Variants in ATP8A1 observed in about 807,000 individuals in gnomAD.
ATP8A1 encodes the protein ATPase phospholipid transporting 8A1, also known as phospholipid-transporting ATPase IA.
Under a neutral mutation model 177.7 loss-of-function variants are expected in ATP8A1, and 90 were observed. The ratio of observed to expected loss-of-function variants is 0.51; its 90% CI spans 0.43 to 0.60. The LOEUF (loss-of-function observed/expected upper bound fraction) is 0.60. Among genes scored for constraint, ATP8A1 ranks in the 20% least tolerant of loss-of-function variants. ATP8A1 has a pLI of 0.00. For synonymous variants in ATP8A1, 493 were observed against 485.9 expected, an observed-to-expected ratio of 1.01 and a Z score of -0.19; for missense variants, 1,072 against 1,392.8, an observed-to-expected ratio of 0.77 and a Z score of 3.67.
At chr4:42,496,805 C>G (rs1021476694) in intron 24 of ATP8A1, among the ~76,000 whole-genome samples, 11 of 147,772 alleles carry the variant, frequency 7.4e-5, no homozygotes, top group African/African-American at 2.9e-4. Context: ...CACATATACC[C>G]CCCCCCACAC....
rs1281325228 is a variant in ATP8A1, at chr4:42,411,945, A to T, written c.*971T>A. The stretch of plus-strand genomic sequence containing the variant: ...TGCATTTATCTGACATGTTATTCCA[A>T]ATATTGCAACAGAAGCTTTGGAAAT... On this transcript the variant is annotated 3_prime_UTR_variant, in exon 37 of 37. Transcript: ENST00000381668. 6.6e-6 allele frequency: 1 copy of T among 152,252 alleles called. No homozygotes were observed. The highest frequency in any genetic ancestry group is 2.4e-5 in the African/African-American group (1 of 41,472). The allele number at this position is 152,252 out of a possible 1,614,324, so 9.4% of individuals were successfully genotyped here.
chr4:42,428,820 G>A (rs1259685769), intron 33 of ATP8A1, among the ~76,000 whole-genome samples: 4 of 152,092 alleles, frequency 2.6e-5, no homozygotes, highest in African/African-American at 7.2e-5. Context: ...CCTGGAAAGC[G>A]CCCATGCTCA....
intron 1 of ATP8A1, among the ~76,000 whole-genome samples, chr4:42,634,103 CTG>C (rs1299461575): frequency 3.9e-5 from 6 of 152,114 alleles, no homozygotes; most frequent in Non-Finnish European, 7.4e-5. Flanking sequence ...TTCGAGGACA[CTG>C]TGATAATCCA....
At chr4:42,455,192 C>T in intron 29 of ATP8A1, 105 bp downstream of exon 29, 1 of 1,411,922 alleles carries the variant, frequency 7.1e-7, no homozygotes, top group Non-Finnish European at 9.6e-7. Context: ...CTGGAGTTGT[C>T]TCAGGCTAGT....
intron 31 of ATP8A1, among the ~76,000 whole-genome samples, chr4:42,446,080 C>CAAAA (rs11311245): frequency 0.014 from 903 of 63,750 alleles, 49 homozygotes; most frequent in East Asian, 0.023. Flanking sequence ...AACGCCCTCT[C>CAAAA]AAAAAAAAAA....
At chr4:42,636,587 G>A (rs1412252777) in intron 1 of ATP8A1, among the ~76,000 whole-genome samples, 1 of 152,180 alleles carries the variant, frequency 6.6e-6, no homozygotes, top group Non-Finnish European at 1.5e-5. Context: ...CAAATTTCTA[G>A]ATCATGACAA....
intron 7 of ATP8A1, chr4:42,588,632 T>C (rs1408554237): frequency 1.9e-5 from 4 of 213,534 alleles, no homozygotes; most frequent in Admixed American, 1.1e-4. Context: ...TTCATCCACA[T>C]AGACACAACA....
chr4:42,649,770 A>G (rs1041333898), intron 1 of ATP8A1, among the ~76,000 whole-genome samples: 3 of 152,208 alleles, frequency 2.0e-5, no homozygotes, highest in Admixed American at 1.3e-4. Context: ...TACTAGATTT[A>G]GTACATCTAG....
chr4:42,571,522 C>T (rs1289139921), intron 14 of ATP8A1, among the ~76,000 whole-genome samples: 1 of 148,558 alleles, frequency 6.7e-6, no homozygotes, highest in African/African-American at 2.5e-5. Flanking sequence ...AATCTTCACT[C>T]TATTGAGATT....
chr4:42,524,861 A>T lies in ATP8A1; in HGVS notation c.1723-14T>A. The T allele has an allele frequency of 6.4e-7, 1 of 1,569,404 alleles. No homozygotes were observed. Among genetic ancestry groups the T allele is most frequent in the Non-Finnish European group, 8.7e-7 (1 of 1,148,610 alleles). On this transcript the variant is annotated splice_polypyrimidine_tract_variant and intron_variant, in intron 20 of 36. Transcript: ENST00000381668. The stretch of plus-strand genomic sequence containing the variant: ...AATTACAGTGTCCTGGAAAACAAAC[A>T]GAGGGTAAAATGATTTAATTAAGCA...
At chr4:42,596,547 A>G (rs1734730533) in intron 6 of ATP8A1, among the ~76,000 whole-genome samples, 1 of 151,668 alleles carries the variant, frequency 6.6e-6, no homozygotes, top group African/African-American at 2.4e-5. Flanking sequence ...GGCACCTGTA[A>G]TCCCAGCTAC....
At chr4:42,424,820 T>C (rs982302822) in intron 33 of ATP8A1, among the ~76,000 whole-genome samples, 2 of 152,238 alleles carry the variant, frequency 1.3e-5, no homozygotes, top group Non-Finnish European at 2.9e-5. Flanking sequence ...TTTCGCTATG[T>C]AGAAGTGAAT....
At chr4:42,548,635 C>T (rs1011309964) in intron 19 of ATP8A1, among the ~76,000 whole-genome samples, 1 of 152,126 alleles carries the variant, frequency 6.6e-6, no homozygotes, top group Non-Finnish European at 1.5e-5. Context: ...TATCAAACAT[C>T]AGAATTTACT....
chr4:42,628,998 A>C (rs1410950983), intron 1 of ATP8A1, among the ~76,000 whole-genome samples: 2 of 152,204 alleles, frequency 1.3e-5, no homozygotes, highest in Admixed American at 1.3e-4. Flanking sequence ...AGACACACCT[A>C]CTTACATTGA....
intron 16 of ATP8A1, among the ~76,000 whole-genome samples, chr4:42,555,087 ATC>A (rs1008724943): frequency 2.3e-4 from 16 of 69,760 alleles, no homozygotes; most frequent in Non-Finnish European, 3.2e-4. Flanking sequence ...TTGTGTGTGT[ATC>A]TATCTATCTA....
chr4:42,511,721 A>G (rs1725019868), intron 22 of ATP8A1, among the ~76,000 whole-genome samples: 1 of 152,212 alleles, frequency 6.6e-6, no homozygotes, highest in Non-Finnish European at 1.5e-5. Flanking sequence ...TTTAGAAATT[A>G]TGATTTTTCC....
chr4:42,492,542 C>A (rs1250172573), intron 24 of ATP8A1, among the ~76,000 whole-genome samples: 1 of 152,132 alleles, frequency 6.6e-6, no homozygotes, highest in African/African-American at 2.4e-5. Flanking sequence ...CCATCATGCA[C>A]AGACACAAGA....
At position 42,525,058 on chromosome 4, in the gene ATP8A1, C is replaced by T. The variant is rs141154917; in HGVS notation, c.1723-211G>A. On this transcript the variant is annotated intron_variant, in intron 20 of 36. Coordinates refer to ENST00000381668, the MANE Select transcript of ATP8A1 (RefSeq NM_006095.2). Reference sequence around the variant, plus strand: ...TCTTGCATCTTCATCTTTCCTCTTTCTGAATAAAACTGTAGTTATTCCCAT... The same window carrying T: ...TCTTGCATCTTCATCTTTCCTCTTTTTGAATAAAACTGTAGTTATTCCCAT... Among the ~76,000 whole-genome samples, 423 of 152,312 alleles carry T rather than the reference C, an allele frequency of 2.8e-3. 1 individual carries two copies. Among genetic ancestry groups the T allele is most frequent in the Non-Finnish European group, 3.7e-3 (251 of 68,022 alleles).
intron 27 of ATP8A1, among the ~76,000 whole-genome samples, chr4:42,457,426 T>C (rs1239224639): frequency 1.3e-5 from 2 of 152,194 alleles, no homozygotes; most frequent in East Asian, 3.8e-4. Flanking sequence ...AAAAGCTCTT[T>C]CAGATTTCTT....
Sources: allele counts gnomAD v4.1 joint callset (sites outside exome capture counted in the v4.1 genomes callset), GRCh38; gene constraint gnomAD v4.1.1; transcripts MANE v1.5; gene names NCBI Gene and HGNC (gene_info 2026-07-23, HGNC 2026-07-21).